KCNMA1: variants seen among roughly 807,000 people sequenced by gnomAD.
The protein encoded by KCNMA1 is Calcium-activated potassium channel subunit alpha-1.
In KCNMA1, 29 loss-of-function variants were observed where a neutral mutation model predicts 140.0. The observed-to-expected ratio is 0.21, with a 90% CI of 0.15 to 0.28. KCNMA1 has a LOEUF of 0.28. KCNMA1 is among the 10% of genes least tolerant of loss of function. The pLI, the probability that KCNMA1 is intolerant of heterozygous loss-of-function variation, is 1.00. For synonymous variants in KCNMA1, 612 were observed against 611.9 expected, an observed-to-expected ratio of 1.00 and a Z score of 0.00; for missense variants, 880 against 1,602.2, an observed-to-expected ratio of 0.55 and a Z score of 7.70.
At chr10:76,959,638 T>A (rs745722560) in intron 20 of KCNMA1, among the ~76,000 whole-genome samples, 18 of 152,184 alleles carry the variant, frequency 1.2e-4, no homozygotes, top group Non-Finnish European at 8.8e-5. Context: ...CTAGCTCTGA[T>A]TATGGTGAAA....
At chr10:77,247,464 A>G (rs2058779615) in intron 3 of KCNMA1, among the ~76,000 whole-genome samples, 1 of 152,212 alleles carries the variant, frequency 6.6e-6, no homozygotes, top group Non-Finnish European at 1.5e-5. Context: ...TGGTGACATT[A>G]GCACCCACAG....
At chr10:77,621,526 AC>A (rs200035814) in intron 1 of KCNMA1, among the ~76,000 whole-genome samples, 982 of 65,946 alleles carry the variant, frequency 0.015, 12 homozygotes, top group African/African-American at 0.077. Flanking sequence ...GTACATGTAC[AC>A]ACACACACAC....
chr10:77,176,777 G>A (rs1301193145), intron 5 of KCNMA1, among the ~76,000 whole-genome samples: 1 of 152,172 alleles, frequency 6.6e-6, no homozygotes, highest in Non-Finnish European at 1.5e-5. Context: ...TAGGCAGAAC[G>A]ATGACCCTCA....
At chr10:77,204,152 A>C (rs1470181907) in intron 3 of KCNMA1, among the ~76,000 whole-genome samples, 1 of 152,086 alleles carries the variant, frequency 6.6e-6, no homozygotes, top group African/African-American at 2.4e-5. Context: ...TGACAATTAC[A>C]TCAGTTACAA....
At chr10:77,632,345 G>T (rs983949779) in intron 1 of KCNMA1, among the ~76,000 whole-genome samples, 10 of 152,282 alleles carry the variant, frequency 6.6e-5, no homozygotes, top group African/African-American at 2.4e-4. Flanking sequence ...TTGGGAGACA[G>T]GTCTATGAGT....
chr10:77,637,451 G>C lies in KCNMA1; in HGVS notation c.192C>G (p.Pro64=), dbSNP rs143562140. The C allele has an allele frequency of 3.1e-5, 50 of 1,613,234 alleles. No individual in the cohort carries two copies. In the African/African-American group the frequency reaches 6.0e-4, roughly 19 times the overall value. Reference sequence around the variant, plus strand: ...CCGGGATGATGAGCGCATCCATCTTGGGCTCGTGGACCGAGGACGAGGAGG... The same window carrying C: ...CCGGGATGATGAGCGCATCCATCTTCGGCTCGTGGACCGAGGACGAGGAGG... The part of the protein sequence containing the change: ...SSSSSSSVHE[P]KMDALIIPVT... The change falls in exon 1 of 28, where the codon CCC becomes CCG. Residue 64 remains proline, a synonymous_variant. Transcript: ENST00000286628.
chr10:77,204,148 T>C (rs758295834), intron 3 of KCNMA1, among the ~76,000 whole-genome samples: 31 of 151,788 alleles, frequency 2.0e-4, no homozygotes, highest in Middle Eastern at 3.4e-3. Flanking sequence ...TATATGACAA[T>C]TACATCAGTT....
intron 2 of KCNMA1, 95 bp from the exon 3 acceptor site, chr10:77,251,351 C>T: frequency 4.4e-6 from 4 of 911,056 alleles, no homozygotes; most frequent in Non-Finnish European, 3.6e-6. Flanking sequence ...AAATACGGTG[C>T]CCATTGCCCT....
At chr10:77,438,780 A>T (rs1264814474) in intron 1 of KCNMA1, among the ~76,000 whole-genome samples, 2 of 152,046 alleles carry the variant, frequency 1.3e-5, no homozygotes, top group African/African-American at 4.8e-5. Flanking sequence ...AGAAAATTTC[A>T]AACAAGGCCG....
chr10:77,379,910 G>C (rs559791454), intron 2 of KCNMA1, among the ~76,000 whole-genome samples: 3 of 152,138 alleles, frequency 2.0e-5, no homozygotes, highest in African/African-American at 7.2e-5. Context: ...AGCCTCCCAC[G>C]TCAGTTTCCT....
intron 14 of KCNMA1, among the ~76,000 whole-genome samples, chr10:77,064,325 C>G (rs1239829776): frequency 6.6e-6 from 1 of 152,114 alleles, no homozygotes; most frequent in Non-Finnish European, 1.5e-5. Flanking sequence ...ATTCACCAAA[C>G]ATATAAGACA....
intron 2 of KCNMA1, among the ~76,000 whole-genome samples, chr10:77,341,010 C>T (rs2090769154): frequency 6.6e-6 from 1 of 152,124 alleles, no homozygotes; most frequent in Non-Finnish European, 1.5e-5. Flanking sequence ...CTCAGAGATG[C>T]TCTGCCATGC....
chr10:77,374,162 C>G lies in KCNMA1; in HGVS notation c.540+29700G>C, dbSNP rs567079839. ...CAAACCCTTCCCCAGGTGCCCTGATCTGGCCAAGCCTGGGCGCTCTGACTA... is the reference window on the plus strand; with the variant it reads ...CAAACCCTTCCCCAGGTGCCCTGATGTGGCCAAGCCTGGGCGCTCTGACTA... On this transcript the variant is annotated intron_variant, in intron 2 of 27. Coordinates refer to ENST00000286628, the MANE Select transcript of KCNMA1 (RefSeq NM_001161352.2). Among the ~76,000 whole-genome samples, 13 of 152,314 alleles carry G rather than the reference C, an allele frequency of 8.5e-5. No homozygotes were observed. The East Asian group carries it at 2.5e-3, about 29-fold the overall frequency.
At chr10:76,964,193 G>A (rs926301631) in intron 20 of KCNMA1, among the ~76,000 whole-genome samples, 5 of 151,582 alleles carry the variant, frequency 3.3e-5, no homozygotes, top group Middle Eastern at 3.4e-3. Context: ...GAGCCACACT[G>A]ACAAAACTCT....
intron 1 of KCNMA1, among the ~76,000 whole-genome samples, chr10:77,511,023 A>G (rs73287112): frequency 0.1 from 15,541 of 152,250 alleles, 987 homozygotes; most frequent in Middle Eastern, 0.25. Flanking sequence ...CTGGTTCCTC[A>G]AGGACATCGA....
At chr10:76,870,539 A>G (rs1471473033) in exon 28 of KCNMA1, 4 of 152,218 alleles carry the variant, frequency 2.6e-5, no homozygotes, top group Non-Finnish European at 5.9e-5. Flanking sequence ...TCTTCTCACA[A>G]TGCCTGTTCA....
intron 1 of KCNMA1, among the ~76,000 whole-genome samples, chr10:77,630,081 G>A (rs2093003882): frequency 1.3e-5 from 2 of 152,186 alleles, no homozygotes; most frequent in Admixed American, 1.3e-4. Context: ...GTGTCCCCCA[G>A]TCACTCCACG....
intron 2 of KCNMA1, among the ~76,000 whole-genome samples, chr10:77,311,962 T>A (rs2079429395): frequency 6.6e-6 from 1 of 152,252 alleles, no homozygotes; most frequent in Non-Finnish European, 1.5e-5. Flanking sequence ...TGAGCCAGAA[T>A]GTCATGGCAC....
chr10:76,926,111 C>T (rs555299536), intron 23 of KCNMA1, among the ~76,000 whole-genome samples: 1 of 152,276 alleles, frequency 6.6e-6, no homozygotes, highest in African/African-American at 2.4e-5. Flanking sequence ...TGGGGTCAGG[C>T]ATTCCCACAT....
Sources: gnomAD v4.1 joint callset for allele counts (sites outside exome capture counted in the v4.1 genomes callset) on GRCh38, gnomAD v4.1.1 for gene constraint, MANE v1.5 for transcripts, NCBI Gene and HGNC (gene_info 2026-07-23, HGNC 2026-07-21) for gene names.